The following ACVR1C variants were observed in gnomAD, a reference collection of about 807,000 sequenced individuals.
The protein encoded by ACVR1C is activin A receptor type 1C, also known as activin receptor type-1C.
A neutral mutation model predicts 57.9 loss-of-function variants in ACVR1C; 23 were observed. That is an observed-to-expected ratio of 0.40 (90% CI 0.29 to 0.56). The LOEUF (loss-of-function observed/expected upper bound fraction) is 0.56. Among genes scored for constraint, ACVR1C ranks in the 20% least tolerant of loss-of-function variants. The probability of loss-of-function intolerance (pLI) is 0.50; values close to 1 mark genes in which losing one functional copy is unlikely to be tolerated. For synonymous variants in ACVR1C, 214 were observed against 215.3 expected, an observed-to-expected ratio of 0.99 and a Z score of 0.05; for missense variants, 480 against 607.9, an observed-to-expected ratio of 0.79 and a Z score of 2.21.
rs1367593484 is a variant in ACVR1C, at chr2:157,531,319, G to A, written c.*2599C>T. The A allele has an allele frequency of 6.6e-6, 1 of 151,860 alleles. No individual in the cohort carries two copies. The highest frequency in any genetic ancestry group is 1.5e-5 in the Non-Finnish European group (1 of 67,926). 9.4% of individuals were successfully genotyped at this position (151,860 alleles called of 1,614,324 possible). A position where few individuals can be genotyped will look rare whatever the true frequency, so the allele number is the denominator to read the frequency against. ...TGCTCTATTCCCTTTCTTAAAAAAT[G>A]TATTTTGTAATTGAAATATAAGACT... On this transcript the variant is annotated 3_prime_UTR_variant, in exon 9 of 9. Coordinates refer to ENST00000243349, the MANE Select transcript of ACVR1C (RefSeq NM_145259.3).
At chr2:157,553,312 T>C (rs899940096) in intron 3 of ACVR1C, among the ~76,000 whole-genome samples, 1 of 152,120 alleles carries the variant, frequency 6.6e-6, no homozygotes, top group African/African-American at 2.4e-5. Flanking sequence ...GCCAAACGTA[T>C]GCAACTGGCT....
At chr2:157,556,453 T>A (rs922293836) in intron 2 of ACVR1C, 121 bp from the exon 3 acceptor site, 25 of 1,287,768 alleles carry the variant, frequency 1.9e-5, no homozygotes, top group South Asian at 5.9e-5. Flanking sequence ...TATGCACTTA[T>A]GTTCATTGGT....
chr2:157,596,981 C>T (rs1277963762), intron 1 of ACVR1C, among the ~76,000 whole-genome samples: 5 of 152,130 alleles, frequency 3.3e-5, no homozygotes, highest in African/African-American at 1.2e-4. Flanking sequence ...TGGAGCACTA[C>T]TGAATCCGGC....
chr2:157,598,955 C>T (rs1682206010), intron 1 of ACVR1C, among the ~76,000 whole-genome samples: 1 of 152,050 alleles, frequency 6.6e-6, no homozygotes, highest in Admixed American at 6.5e-5. Flanking sequence ...AACGGCCATA[C>T]TCCACATGGA....
At chr2:157,583,115 C>T (rs2105252697) in intron 2 of ACVR1C, among the ~76,000 whole-genome samples, 1 of 152,282 alleles carries the variant, frequency 6.6e-6, no homozygotes. Flanking sequence ...CCCACCGTAG[C>T]CTCCCAAAGT....
chr2:157,549,829 CAA>C (rs1173469291), intron 4 of ACVR1C, among the ~76,000 whole-genome samples: 94 of 47,540 alleles, frequency 2.0e-3, no homozygotes, highest in East Asian at 0.011. Flanking sequence ...ACTAAAAATA[CAA>C]AAAAAAAAAA....
chr2:157,554,278 AGGAAG>A (rs1573915444), intron 3 of ACVR1C, among the ~76,000 whole-genome samples: 195 of 135,830 alleles, frequency 1.4e-3, no homozygotes, highest in East Asian at 4.5e-3. Flanking sequence ...AAAGGAAGGA[AGGAAG>A]AGAGAGAGAG....
chr2:157,561,771 A>G (rs1197032660), intron 2 of ACVR1C, among the ~76,000 whole-genome samples: 1 of 152,192 alleles, frequency 6.6e-6, no homozygotes, highest in Non-Finnish European at 1.5e-5. Flanking sequence ...CATTATTTCC[A>G]ATATTTGCTA....
chr2:157,540,067 G>T (rs556619883), intron 7 of ACVR1C, among the ~76,000 whole-genome samples: 1 of 152,230 alleles, frequency 6.6e-6, no homozygotes, highest in South Asian at 2.1e-4. Flanking sequence ...CTGTGAACAG[G>T]CTCTGTACTA....
Position 157,615,427 on chromosome 2 carries a change from A to T in ACVR1C, c.73+13145T>A, listed in dbSNP as rs530217836. On this transcript the variant is annotated intron_variant, in intron 1 of 8. Transcript: ENST00000243349. ...TTTCACTTTGTCAGCCAGGTTGGAG[A>T]ACAGTGACATGATCATAGCTCACTG... 5.9e-5 allele frequency among the ~76,000 whole-genome samples: 9 copies of T among 151,764 alleles called. No individual in the cohort carries two copies. In the South Asian group the frequency reaches 1.7e-3, roughly 28 times the overall value.
chr2:157,538,941 T>C lies in ACVR1C; in HGVS notation c.1226-238A>G, dbSNP rs1687552361. On this transcript the variant is annotated intron_variant, in intron 7 of 8. Coordinates refer to ENST00000243349, the MANE Select transcript of ACVR1C (RefSeq NM_145259.3). ...TGTTTTCATAACTGTAAAATTTATA[T>C]AAGATTATATAAAATTATAATATAT... Among the ~76,000 whole-genome samples the C allele has an allele frequency of 1.3e-5, 2 of 149,286 alleles. 1 individual carries two copies. Among genetic ancestry groups the C allele is most frequent in the South Asian group, 4.2e-4 (2 of 4,818 alleles).
intron 1 of ACVR1C, among the ~76,000 whole-genome samples, chr2:157,616,385 T>G: frequency 6.6e-6 from 1 of 152,186 alleles, no homozygotes; most frequent in East Asian, 1.9e-4. Flanking sequence ...GTTTTTCATA[T>G]TTAGCATTTC....
At position 157,528,156 on chromosome 2, in the gene ACVR1C, T is replaced by C. The variant is rs1687274055; in HGVS notation, c.*5762A>G. The C allele has an allele frequency of 6.6e-6, 1 of 152,178 alleles. No homozygotes were observed. The highest frequency in any genetic ancestry group is 2.4e-5 in the African/African-American group (1 of 41,434). The allele number at this position is 152,178 out of a possible 1,614,324, so 9.4% of individuals were successfully genotyped here. ...CAATAAGATGCTTCTCTGTAAAATA[T>C]AAAATTATGTCTGGGAGCCAATTGC... On this transcript the variant is annotated 3_prime_UTR_variant, in exon 9 of 9. Transcript: ENST00000243349.
At chr2:157,558,883 C>G (rs969184015) in intron 2 of ACVR1C, among the ~76,000 whole-genome samples, 2 of 152,134 alleles carry the variant, frequency 1.3e-5, no homozygotes, top group African/African-American at 4.8e-5. Flanking sequence ...CAAAGGTATT[C>G]TAGTTTTTCT....
At position 157,587,890 on chromosome 2, in the gene ACVR1C, T is replaced by A. The variant is rs4550625; in HGVS notation, c.74-473A>T. On this transcript the variant is annotated intron_variant, in intron 1 of 8. Transcript: ENST00000243349. Reference sequence around the variant, plus strand: ...CCTTTAAACTTTTAAGCAAATGTGCTAAACGCAAAGCTAACCATAGATATT... The same window carrying A: ...CCTTTAAACTTTTAAGCAAATGTGCAAAACGCAAAGCTAACCATAGATATT... Among the ~76,000 whole-genome samples, 174 of 152,228 alleles carry A rather than the reference T, an allele frequency of 1.1e-3. 6 individuals are homozygous for A. In the South Asian group the frequency reaches 0.035, roughly 30 times the overall value.
intron 8 of ACVR1C, among the ~76,000 whole-genome samples, chr2:157,536,996 T>C (rs1473842035): frequency 6.6e-6 from 1 of 152,146 alleles, no homozygotes; most frequent in Non-Finnish European, 1.5e-5. Context: ...CTCATAGATA[T>C]AGCACATGCT....
chr2:157,606,077 T>C (rs1682386849), intron 1 of ACVR1C, among the ~76,000 whole-genome samples: 1 of 151,724 alleles, frequency 6.6e-6, no homozygotes, highest in Non-Finnish European at 1.5e-5. Flanking sequence ...ACTTGGCTTA[T>C]TGCACTTGAC....
chr2:157,610,729 T>G (rs1046130245), intron 1 of ACVR1C, among the ~76,000 whole-genome samples: 5 of 152,144 alleles, frequency 3.3e-5, no homozygotes, highest in Admixed American at 6.5e-5. Flanking sequence ...TGTTCATTCT[T>G]TTTTATTATT....
intron 1 of ACVR1C, among the ~76,000 whole-genome samples, chr2:157,588,628 G>A (rs539786473): frequency 2.0e-4 from 24 of 117,838 alleles, no homozygotes; most frequent in South Asian, 2.0e-3. Flanking sequence ...TATCCTTTAC[G>A]TCTCTCTGTA....
Sources: gnomAD v4.1 joint callset for allele counts (sites outside exome capture counted in the v4.1 genomes callset) on GRCh38, gnomAD v4.1.1 for gene constraint, MANE v1.5 for transcripts, NCBI Gene and HGNC (gene_info 2026-07-23, HGNC 2026-07-21) for gene names.